DOCK11: variants seen among roughly 807,000 people sequenced by gnomAD.
DOCK11 encodes dedicator of cytokinesis 11, also known as dedicator of cytokinesis protein 11.
A neutral mutation model predicts 169.1 loss-of-function variants in DOCK11; 70 were observed. The observed-to-expected ratio is 0.41, with a 90% CI of 0.34 to 0.51. The LOEUF is 0.51. Ranked by LOEUF, DOCK11 falls within the 20% of genes least tolerant of loss-of-function variation. The pLI, the probability that DOCK11 is intolerant of heterozygous loss-of-function variation, is 0.10. For synonymous variants in DOCK11, 529 were observed against 541.3 expected (o/e 0.98, Z 0.32); for missense variants, 1,166 against 1,538.8 (o/e 0.76, Z 4.05).
At chrX:118,508,011 A>C (rs2057625586) in intron 1 of DOCK11, among the ~76,000 whole-genome samples, 1 of 108,558 alleles carries the variant, frequency 9.2e-6, no homozygotes, top group South Asian at 4.1e-4. Context: ...AACAGTGTTT[A>C]TTTCTAAACA....
Position 118,676,724 on chromosome X carries a change from A to G in DOCK11, c.5447A>G (p.Gln1816Arg), listed in dbSNP as rs2016618745. ...KFGTENVKII[Q>R]DSDKVNAKEL... is the part of the protein sequence containing the mutation. ...GGTACGGAGAATGTCAAAATAATTC[A>G]GGATTCAGACAAGGTAACACATACC... is the stretch of plus-strand genomic sequence containing the variant. Residue 1816 changes from glutamine (Q) to arginine (R), a missense_variant, in exon 48 of 53, where the codon CAG becomes CGG. Physicochemically the swap from Gln to Arg is conservative, Grantham distance 43 (BLOSUM62 1). Coordinates refer to ENST00000276202, the MANE Select transcript of DOCK11 (RefSeq NM_144658.4). The G allele has an allele frequency of 2.5e-6, 3 of 1,201,961 alleles. No homozygotes were observed. The East Asian group carries it at 8.9e-5, about 36-fold the overall frequency.
At chrX:118,656,925 T>TC (rs964574528) in intron 44 of DOCK11, among the ~76,000 whole-genome samples, 3 of 111,426 alleles carry the variant, frequency 2.7e-5, no homozygotes, top group African/African-American at 9.8e-5. Context: ...AGAACAAAAC[T>TC]CCATCTAAAT....
intron 1 of DOCK11, among the ~76,000 whole-genome samples, chrX:118,524,891 T>C (rs992388556): frequency 1.8e-5 from 2 of 111,520 alleles, no homozygotes; most frequent in African/African-American, 3.3e-5. Flanking sequence ...CTCACACCTG[T>C]AATGCCAGCA....
At position 118,578,666 on chromosome X, in the gene DOCK11, T is replaced by G; in HGVS notation, c.1512+19T>G. 8.4e-7 allele frequency: 1 copy of G among 1,185,836 alleles called. No individual in the cohort carries two copies. Among genetic ancestry groups the G allele is most frequent in the Non-Finnish European group, 1.1e-6 (1 of 880,676 alleles). On this transcript the variant is annotated intron_variant, in intron 13 of 52. Coordinates refer to ENST00000276202, the MANE Select transcript of DOCK11 (RefSeq NM_144658.4). ...AGTAAAGGTAATTTATAAAGGTTGT[T>G]GATCAACATTTCACCTTAACGTAGA... is the stretch of plus-strand genomic sequence containing the variant.
At chrX:118,598,388 G>A (rs1263137323) in intron 22 of DOCK11, among the ~76,000 whole-genome samples, 1 of 100,176 alleles carries the variant, frequency 1.0e-5, no homozygotes, top group Non-Finnish European at 2.0e-5. Context: ...GTAAGACCCT[G>A]TCTCTTAAAA....
intron 23 of DOCK11, among the ~76,000 whole-genome samples, chrX:118,599,787 C>G (rs2014279921): frequency 8.9e-6 from 1 of 112,384 alleles, no homozygotes; most frequent in Non-Finnish European, 1.9e-5. Flanking sequence ...TGGCTCTCTT[C>G]TTTTAATTGT....
chrX:118,561,560 A>T (rs771130589), intron 7 of DOCK11, 43 bp downstream of exon 7: 1 of 1,132,854 alleles, frequency 8.8e-7, no homozygotes, highest in East Asian at 3.2e-5. Context: ...TAACAGGGTT[A>T]TTGATAAACT....
Position 118,570,383 on chromosome X carries a change from A to G in DOCK11, c.1036-1940A>G, listed in dbSNP as rs1445498041. ...ACTGTCTGAGTAACACAGAAAGGAGAGCAGATAAATGGGTGGAAATTAAAA... is the reference window on the plus strand; with the variant it reads ...ACTGTCTGAGTAACACAGAAAGGAGGGCAGATAAATGGGTGGAAATTAAAA... On this transcript the variant is annotated intron_variant, in intron 10 of 52. Transcript: ENST00000276202. 3.6e-5 allele frequency among the ~76,000 whole-genome samples: 4 copies of G among 112,054 alleles called. No homozygotes were observed. The East Asian group carries it at 1.1e-3, about 31-fold the overall frequency.
intron 1 of DOCK11, among the ~76,000 whole-genome samples, chrX:118,511,818 A>G (rs1359003967): frequency 8.9e-6 from 1 of 112,222 alleles, no homozygotes; most frequent in Non-Finnish European, 1.9e-5. Flanking sequence ...GAGGGAGAAG[A>G]CAGATACCGT....
chrX:118,548,855 C>T (rs1278754859), intron 6 of DOCK11, among the ~76,000 whole-genome samples: 1 of 112,060 alleles, frequency 8.9e-6, no homozygotes, highest in Non-Finnish European at 1.9e-5. Context: ...GAAACTAATA[C>T]AATTAGTTAG....
chrX:118,587,284 A>G (rs1336870119), intron 16 of DOCK11, among the ~76,000 whole-genome samples: 1 of 112,262 alleles, frequency 8.9e-6, no homozygotes, highest in Non-Finnish European at 1.9e-5. Context: ...CACTATATAC[A>G]ATATGCATAG....
chrX:118,643,775 T>G (rs1296615837), intron 40 of DOCK11, among the ~76,000 whole-genome samples, 181 bp downstream of exon 40: 2 of 111,900 alleles, frequency 1.8e-5, no homozygotes, highest in Non-Finnish European at 3.8e-5. Context: ...ATGAACCCCC[T>G]CAAATCAGAA....
At chrX:118,648,558 A>G (rs1206366599) in intron 40 of DOCK11, among the ~76,000 whole-genome samples, 1 of 93,801 alleles carries the variant, frequency 1.1e-5, no homozygotes. Context: ...AACATAAATT[A>G]TATATATTAT....
chrX:118,522,197 G>A (rs766099617), intron 1 of DOCK11, among the ~76,000 whole-genome samples: 4 of 110,690 alleles, frequency 3.6e-5, no homozygotes, highest in Admixed American at 9.7e-5. Context: ...GCGGGCACCT[G>A]TAGTCCCAGC....
At chrX:118,537,784 T>C (rs1193301742) in intron 1 of DOCK11, among the ~76,000 whole-genome samples, 1 of 112,204 alleles carries the variant, frequency 8.9e-6, no homozygotes, top group Non-Finnish European at 1.9e-5. Context: ...TGAGGATCCA[T>C]TGTTTCCTCT....
intron 24 of DOCK11, among the ~76,000 whole-genome samples, chrX:118,606,194 C>T (rs1385550408): frequency 4.7e-5 from 5 of 107,253 alleles, no homozygotes; most frequent in African/African-American, 6.8e-5. Flanking sequence ...CTCAGCTTCC[C>T]GAGTAGCTGG....
intron 32 of DOCK11, among the ~76,000 whole-genome samples, chrX:118,625,741 A>T (rs187576488): frequency 2.6e-4 from 29 of 111,645 alleles, no homozygotes; most frequent in African/African-American, 9.1e-4. Context: ...AGTCTCCTTC[A>T]GCACTTCTTG....
intron 10 of DOCK11, among the ~76,000 whole-genome samples, chrX:118,568,935 G>A (rs373893518): frequency 5.4e-5 from 6 of 110,439 alleles, no homozygotes; most frequent in East Asian, 5.7e-4. Flanking sequence ...ATGAGATTTC[G>A]AATGAAAATT....
intron 38 of DOCK11, 89 bp from the exon 39 acceptor site, chrX:118,641,101 T>G: frequency 1.4e-6 from 1 of 697,929 alleles, no homozygotes; most frequent in Non-Finnish European, 2.3e-6. Flanking sequence ...GCCCCCTTTC[T>G]TGTCTTAAGT....
Sources: gnomAD v4.1 joint callset for allele counts (sites outside exome capture counted in the v4.1 genomes callset) on GRCh38, gnomAD v4.1.1 for gene constraint, MANE v1.5 for transcripts, NCBI Gene and HGNC (gene_info 2026-07-23, HGNC 2026-07-21) for gene names.